Variants in PKIB observed in about 807,000 individuals in gnomAD.
PKIB encodes the protein cAMP-dependent protein kinase inhibitor beta, also known as PKI-beta.
In PKIB, 2 loss-of-function variants were observed where a neutral mutation model predicts 4.5. The observed-to-expected ratio is 0.44, with a 90% confidence interval of 0.18 to 1.39. PKIB has a LOEUF of 1.39. PKIB is among the 40% of genes most tolerant of loss of function. PKIB has a pLI of 0.27. For synonymous variants in PKIB, 38 were observed against 36.0 expected (o/e 1.06, Z -0.20); for missense variants, 94 against 92.6 (o/e 1.02, Z -0.06).
At chr6:122,591,107 C>A (rs1173061142) in intron 3 of PKIB, among the ~76,000 whole-genome samples, 1 of 151,582 alleles carries the variant, frequency 6.6e-6, no homozygotes, top group African/African-American at 2.4e-5. Context: ...AAAGTTATCT[C>A]TAAATTAGGA....
chr6:122,559,097 T>C (rs1772939749), intron 2 of PKIB, among the ~76,000 whole-genome samples: 1 of 152,136 alleles, frequency 6.6e-6, no homozygotes, highest in African/African-American at 2.4e-5. Flanking sequence ...TTTTTATGGC[T>C]GCATAGTATT....
At chr6:122,707,346 CA>C (rs1209015485) in intron 3 of PKIB, among the ~76,000 whole-genome samples, 3 of 151,666 alleles carry the variant, frequency 2.0e-5, no homozygotes, top group Admixed American at 6.6e-5. Flanking sequence ...AATCAGAGCT[CA>C]AAAAGGCTTA....
At chr6:122,479,893 C>T (rs891918961) in intron 2 of PKIB, 9 of 151,626 alleles carry the variant, frequency 5.9e-5, no homozygotes, top group Admixed American at 4.6e-4. Context: ...CTTCCCATGG[C>T]ATGAATAAAC....
intron 2 of PKIB, among the ~76,000 whole-genome samples, chr6:122,647,373 G>A (rs78221167): frequency 1.3e-3 from 195 of 152,188 alleles, no homozygotes; most frequent in African/African-American, 4.3e-3. Context: ...GATTAACTGG[G>A]GACTATAGAC....
chr6:122,660,103 AATC>A (rs1368517225), intron 2 of PKIB, among the ~76,000 whole-genome samples: 1 of 152,214 alleles, frequency 6.6e-6, no homozygotes, highest in Non-Finnish European at 1.5e-5. Flanking sequence ...CTAAGCACTG[AATC>A]ATTTGCAGGT....
intron 1 of PKIB, among the ~76,000 whole-genome samples, chr6:122,618,048 CA>C (rs1775068308): frequency 6.6e-6 from 1 of 151,900 alleles, no homozygotes; most frequent in South Asian, 2.1e-4. Context: ...TCCTATGAAA[CA>C]GTTTTTGGTT....
intron 2 of PKIB, among the ~76,000 whole-genome samples, chr6:122,660,891 AC>A (rs1776958650): frequency 1.3e-5 from 2 of 152,150 alleles, no homozygotes; most frequent in Admixed American, 6.5e-5. Flanking sequence ...CATTTAATAA[AC>A]CTTTTATGTA....
rs61025863 is a variant in PKIB, at chr6:122,551,874, CTT to C, written c.-247-34023_-247-34022del. 7.0e-3 allele frequency among the ~76,000 whole-genome samples: 612 copies of C among 87,506 alleles called. 4 individuals are homozygous for C. Among genetic ancestry groups the C allele is most frequent in the South Asian group, 0.046 (77 of 1,672 alleles). The allele number at this position is 87,506 out of a possible 152,430, so 57.4% of individuals were successfully genotyped here. A position where few individuals can be genotyped will look rare whatever the true frequency, so the allele number is the denominator to read the frequency against. Reference sequence around the variant, plus strand: ...GGAAGGAATCTTTGACTTAGTACATCTTTTTTTTTTTTTTTTTTTTTTTTTAC... The same window carrying C: ...GGAAGGAATCTTTGACTTAGTACATCTTTTTTTTTTTTTTTTTTTTTTTAC... On this transcript the variant is annotated intron_variant, in intron 2 of 6. Transcript: ENST00000392491.
intron 2 of PKIB, among the ~76,000 whole-genome samples, chr6:122,529,113 G>T (rs1043669956): frequency 1.2e-4 from 18 of 152,128 alleles, no homozygotes; most frequent in African/African-American, 4.3e-4. Context: ...ACTGTTGTTT[G>T]TATATCTTAC....
At chr6:122,577,893 A>G (rs1773594666) in intron 2 of PKIB, among the ~76,000 whole-genome samples, 1 of 150,680 alleles carries the variant, frequency 6.6e-6, no homozygotes, top group Non-Finnish European at 1.5e-5. Context: ...TGGGCGACAG[A>G]GCAAGACTCC....
intron 2 of PKIB, among the ~76,000 whole-genome samples, chr6:122,668,734 A>G (rs1777330797): frequency 6.6e-6 from 1 of 152,206 alleles, no homozygotes; most frequent in African/African-American, 2.4e-5. Context: ...CCTTCCAGGA[A>G]TATTAGCACA....
At chr6:122,576,689 A>AAGTAT (rs1345822382) in intron 2 of PKIB, among the ~76,000 whole-genome samples, 1 of 34,314 alleles carries the variant, frequency 2.9e-5, no homozygotes, top group African/African-American at 1.3e-4. Context: ...AAAAAAAAAA[A>AAGTAT]ATATATATAT....
At chr6:122,640,443 T>C (rs1776079180) in intron 2 of PKIB, among the ~76,000 whole-genome samples, 1 of 152,216 alleles carries the variant, frequency 6.6e-6, no homozygotes, top group Non-Finnish European at 1.5e-5. Flanking sequence ...ATTTCTACTT[T>C]GTAGTATTCT....
intron 3 of PKIB, among the ~76,000 whole-genome samples, chr6:122,710,772 G>C (rs1002026888): frequency 3.3e-5 from 5 of 152,178 alleles, no homozygotes; most frequent in African/African-American, 9.6e-5. Context: ...GGGCTTTGCA[G>C]AGTTGGTGTT....
upstream of PKIB, among the ~76,000 whole-genome samples, chr6:122,609,026 A>G (rs1449536743): frequency 6.7e-6 from 1 of 148,448 alleles, no homozygotes; most frequent in Non-Finnish European, 1.5e-5. Flanking sequence ...ATAAGTTTTA[A>G]AGTTACACTA....
At chr6:122,659,948 T>C (rs1467284437) in intron 2 of PKIB, among the ~76,000 whole-genome samples, 1 of 152,072 alleles carries the variant, frequency 6.6e-6, no homozygotes, top group Non-Finnish European at 1.5e-5. Flanking sequence ...AGAGCTGCAT[T>C]AAATAAAAAT....
rs550124129 is a variant in PKIB, at chr6:122,620,966, T to C, written c.-161+10431T>C. On this transcript the variant is annotated intron_variant, in intron 1 of 4. Transcript: ENST00000368452. ...CCAGATCCAGACCACCTTTTGATGA[T>C]TTACTTACCTGACCATGTCGTTCCC... Among the ~76,000 whole-genome samples the C allele has an allele frequency of 5.3e-5, 8 of 152,144 alleles. No individual in the cohort carries two copies. The East Asian group carries it at 1.5e-3, about 29-fold the overall frequency.
chr6:122,613,025 A>G (rs1774825699), intron 1 of PKIB, among the ~76,000 whole-genome samples: 1 of 152,200 alleles, frequency 6.6e-6, no homozygotes, highest in African/African-American at 2.4e-5. Flanking sequence ...TACAGCAAAC[A>G]CTTTTGAAAA....
intron 1 of PKIB, among the ~76,000 whole-genome samples, chr6:122,624,677 G>T (rs1398019453): frequency 1.3e-5 from 2 of 152,178 alleles, no homozygotes; most frequent in African/African-American, 2.4e-5. Flanking sequence ...CAAGAATATT[G>T]TGAGGCACCA....
Sources: allele counts gnomAD v4.1 joint callset (sites outside exome capture counted in the v4.1 genomes callset), GRCh38; gene constraint gnomAD v4.1.1; transcripts MANE v1.5; gene names NCBI Gene and HGNC (gene_info 2026-07-23, HGNC 2026-07-21).